The following HHLA2 variants were observed in gnomAD, a reference collection of about 807,000 sequenced individuals.
HHLA2 encodes HERV-H LTR-associating protein 2.
HHLA2 carries 48 observed loss-of-function variants against 45.9 expected under a neutral mutation model. That is an observed-to-expected ratio of 1.05 (90% CI 0.83 to 1.33). HHLA2 has a LOEUF of 1.33. Among genes scored for constraint, HHLA2 ranks in the 40% most tolerant of loss-of-function variants. The pLI is 0.00. For missense variants in HHLA2, 462 were observed against 494.3 expected (o/e 0.93, Z 0.62); for synonymous variants, 161 against 173.9 (o/e 0.93, Z 0.59).
intron 3 of HHLA2, among the ~76,000 whole-genome samples, chr3:108,337,802 G>A (rs2081499494): frequency 6.6e-6 from 1 of 152,046 alleles, no homozygotes; most frequent in South Asian, 2.1e-4. Flanking sequence ...TCTTTTTGGT[G>A]CTTGGTCATT....
At chr3:108,329,447 A>G (rs563104739) in intron 3 of HHLA2, among the ~76,000 whole-genome samples, 39 of 152,172 alleles carry the variant, frequency 2.6e-4, no homozygotes, top group Non-Finnish European at 4.6e-4. Context: ...GGGCAGCACA[A>G]ATTACTGTCT....
chr3:108,320,739 A>C (rs1456781536), intron 2 of HHLA2, among the ~76,000 whole-genome samples: 1 of 152,154 alleles, frequency 6.6e-6, no homozygotes, highest in African/African-American at 2.4e-5. Flanking sequence ...GGACAAGATG[A>C]ACTTGCAGTC....
chr3:108,357,929 A>G, exon 7 of HHLA2: 1 of 1,613,836 alleles, frequency 6.2e-7, no homozygotes, highest in Non-Finnish European at 8.5e-7. Context: ...AAGACTTCAA[A>G]GTTACTTGGT....
chr3:108,317,904 G>A (rs963981535), intron 2 of HHLA2, among the ~76,000 whole-genome samples: 8 of 151,890 alleles, frequency 5.3e-5, no homozygotes, highest in South Asian at 2.1e-4. Flanking sequence ...AAATATTGTC[G>A]GGCATGGTGG....
chr3:108,307,258 G>T (rs540223918), intron 1 of HHLA2, among the ~76,000 whole-genome samples: 230 of 152,072 alleles, frequency 1.5e-3, no homozygotes, highest in Non-Finnish European at 2.6e-3. Flanking sequence ...TGTATATGTT[G>T]TGCTTTTTCA....
chr3:108,369,967 G>A (rs2082138509), intron 8 of HHLA2, among the ~76,000 whole-genome samples: 1 of 152,212 alleles, frequency 6.6e-6, no homozygotes, highest in African/African-American at 2.4e-5. Context: ...GAGAGTAGTA[G>A]TTCTCCCAGC....
At chr3:108,330,287 A>G (rs1598682) in intron 3 of HHLA2, among the ~76,000 whole-genome samples, 1 of 152,114 alleles carries the variant, frequency 6.6e-6, no homozygotes, top group East Asian at 1.9e-4. Flanking sequence ...AGGAAGTGAT[A>G]ATCAGAGGCT....
intron 3 of HHLA2, chr3:108,328,452 T>G: frequency 8.6e-6 from 6 of 695,616 alleles, no homozygotes; most frequent in Non-Finnish European, 1.4e-5. Flanking sequence ...GCAAATATTA[T>G]TAACATAATT....
intron 2 of HHLA2, among the ~76,000 whole-genome samples, chr3:108,313,194 T>C (rs954698014): frequency 6.6e-6 from 1 of 152,176 alleles, no homozygotes; most frequent in Non-Finnish European, 1.5e-5. Context: ...TGTGAGATAA[T>C]TATATAAAGA....
At chr3:108,342,451 G>C (rs1027947113) in intron 3 of HHLA2, among the ~76,000 whole-genome samples, 4 of 151,816 alleles carry the variant, frequency 2.6e-5, no homozygotes, top group African/African-American at 9.7e-5. Flanking sequence ...TTTTAGTAGA[G>C]ACAGGGTTTC....
intron 1 of HHLA2, among the ~76,000 whole-genome samples, chr3:108,307,453 G>A (rs1409615437): frequency 6.6e-6 from 1 of 152,014 alleles, no homozygotes; most frequent in Non-Finnish European, 1.5e-5. Context: ...GGCCAACATG[G>A]TGAAACCCCA....
chr3:108,362,434 A>C lies in HHLA2; in HGVS notation c.1096A>C (p.Lys366Gln), dbSNP rs775192764. The C allele has an allele frequency of 2.1e-5, 33 of 1,607,162 alleles. No homozygotes were observed. Among genetic ancestry groups the C allele is most frequent in the Non-Finnish European group, 2.8e-5 (33 of 1,175,850 alleles). Residue 366 changes from lysine (K) to glutamine (Q), a missense_variant, in exon 8 of 11, where the codon AAA becomes CAA. This residue lies in a region of HHLA2 where 123 missense variants were observed against 110.5 expected (regional missense o/e 1.11). Transcript: ENST00000619531. ...AGCTTTTCTGCTGATTTGGAGCGTAAAATGTTGCAGAGGTAATAGAAGAAT... is the reference window on the plus strand; with the variant it reads ...AGCTTTTCTGCTGATTTGGAGCGTACAATGTTGCAGAGGTAATAGAAGAAT...
rs200545989 is a variant in HHLA2, at chr3:108,375,828, T to C, written c.1159+28T>C. 152 of 1,606,478 alleles carry C rather than the reference T, an allele frequency of 9.5e-5. 1 individual carries two copies. The highest frequency in any genetic ancestry group is 1.3e-4 in the Admixed American group (8 of 59,484). The stretch of plus-strand genomic sequence containing the variant: ...CAGCCTCCCATGTCTGAGAGAAGAA[T>C]GGATTCTGGTTCTGGAGGAGCAGTC... On this transcript the variant is annotated intron_variant, in intron 9 of 10. Coordinates refer to ENST00000619531, the Ensembl canonical transcript of HHLA2.
chr3:108,343,936 T>C (rs2081618248), intron 3 of HHLA2, among the ~76,000 whole-genome samples: 1 of 152,192 alleles, frequency 6.6e-6, no homozygotes, highest in African/African-American at 2.4e-5. Flanking sequence ...TCCTCCTCAA[T>C]GTTACAGAAA....
chr3:108,367,721 C>T (rs576359057), intron 8 of HHLA2, among the ~76,000 whole-genome samples: 85 of 152,128 alleles, frequency 5.6e-4, no homozygotes, highest in African/African-American at 1.7e-3. Context: ...AAGACCAAAC[C>T]GGTGATTGAT....
At chr3:108,339,311 T>G (rs1324909994) in intron 3 of HHLA2, among the ~76,000 whole-genome samples, 1 of 152,180 alleles carries the variant, frequency 6.6e-6, no homozygotes, top group Non-Finnish European at 1.5e-5. Flanking sequence ...TAGTTTGTTC[T>G]CAGGGGAATC....
At chr3:108,376,607 T>C in intron 10 of HHLA2, 50 bp downstream of exon 9, 2 of 1,493,562 alleles carry the variant, frequency 1.3e-6, no homozygotes, top group South Asian at 1.2e-5. Flanking sequence ...AAAATGCTTC[T>C]TTAAAAGGGT....
chr3:108,333,829 C>A (rs1345826668), intron 3 of HHLA2, among the ~76,000 whole-genome samples: 1 of 152,106 alleles, frequency 6.6e-6, no homozygotes, highest in South Asian at 2.1e-4. Context: ...TGCTGTCCTA[C>A]GCTAGATGAC....
At chr3:108,366,886 AGTCT>A (rs754298405) in intron 8 of HHLA2, among the ~76,000 whole-genome samples, 46 of 152,100 alleles carry the variant, frequency 3.0e-4, no homozygotes, top group Non-Finnish European at 3.7e-4. Context: ...TCTGGCTAGC[AGTCT>A]ATCTATTTTG....
Sources: allele counts gnomAD v4.1 joint callset (sites outside exome capture counted in the v4.1 genomes callset), GRCh38; gene constraint gnomAD v4.1.1; regional missense constraint gnomAD v4.1.1; transcripts MANE v1.5; gene names NCBI Gene and HGNC (gene_info 2026-07-23, HGNC 2026-07-21).